Variants in PSMD1 observed in about 807,000 individuals in gnomAD.
The protein encoded by PSMD1 is proteasome 26S subunit, non-ATPase 1.
PSMD1 carries 18 observed loss-of-function variants against 119.0 expected under a neutral mutation model. The ratio of observed to expected loss-of-function variants is 0.15; its 90% confidence interval spans 0.10 to 0.22. PSMD1 has a LOEUF of 0.22. PSMD1 is among the 10% of genes least tolerant of loss of function. The pLI is 1.00. For missense variants in PSMD1, 702 were observed against 1,158.5 expected, an observed-to-expected ratio of 0.61 and a Z score of 5.72; for synonymous variants, 374 against 396.6, an observed-to-expected ratio of 0.94 and a Z score of 0.68.
intron 17 of PSMD1, 91 bp from the exon 18 acceptor site, chr2:231,146,149 A>G (rs1696246940): frequency 2.3e-6 from 2 of 851,130 alleles, no homozygotes; most frequent in Non-Finnish European, 3.9e-6. Flanking sequence ...GTCACTTCCC[A>G]GAATGTCGTT....
At chr2:231,137,952 T>A (rs1379946716) in intron 16 of PSMD1, among the ~76,000 whole-genome samples, 1 of 152,208 alleles carries the variant, frequency 6.6e-6, no homozygotes, top group Non-Finnish European at 1.5e-5. Flanking sequence ...AGCCCACAGC[T>A]TGATGAATTT....
At chr2:231,065,954 A>G (rs1201182879) in intron 4 of PSMD1, among the ~76,000 whole-genome samples, 2 of 152,200 alleles carry the variant, frequency 1.3e-5, no homozygotes, top group Admixed American at 6.5e-5. Flanking sequence ...GTACAATACC[A>G]TATTTTTACT....
chr2:231,065,854 A>G (rs1693898483), intron 4 of PSMD1, among the ~76,000 whole-genome samples: 2 of 152,218 alleles, frequency 1.3e-5, no homozygotes, highest in African/African-American at 4.8e-5. Context: ...TCTTGGGAGA[A>G]ATAGGTTCCA....
intron 16 of PSMD1, chr2:231,108,995 G>A: frequency 6.2e-7 from 1 of 1,614,202 alleles, no homozygotes; most frequent in Non-Finnish European, 8.5e-7. Context: ...TAGGACCTTT[G>A]AGGCTCTCTG....
Position 231,056,923 on chromosome 2 carries a change from C to A in PSMD1, c.-103C>A. ...GAGGCGACTGACTGAGCAGCGCACC[C>A]GGGGAGCAAGGAGGCGCGGTGAACT... On this transcript the variant is annotated 5_prime_UTR_variant, in exon 1 of 25. Coordinates refer to ENST00000308696, the MANE Select transcript of PSMD1 (RefSeq NM_002807.4). 6.8e-7 allele frequency: 1 copy of A among 1,473,138 alleles called. No individual in the cohort carries two copies. Among genetic ancestry groups the A allele is most frequent in the Non-Finnish European group, 9.2e-7 (1 of 1,091,212 alleles). 91.3% of individuals were successfully genotyped at this position (1,473,138 alleles called of 1,614,324 possible).
chr2:231,123,638 T>C lies in PSMD1; in HGVS notation c.1884-15098T>C, dbSNP rs75246355. On this transcript the variant is annotated intron_variant, in intron 16 of 24. Transcript: ENST00000308696. Reference sequence around the variant, plus strand: ...CCCTGTTCCTCAACAATCTGTTTCATTTCCTCTGGTATTGATTCTGTCTGT... The same window carrying C: ...CCCTGTTCCTCAACAATCTGTTTCACTTCCTCTGGTATTGATTCTGTCTGT... The C allele has an allele frequency of 3.5e-5, 56 of 1,614,106 alleles. No individual in the cohort carries two copies. The African/African-American group carries it at 7.1e-4, about 20-fold the overall frequency.
rs150858671 is a variant in PSMD1 at position 231,070,117 on chromosome 2, A to G, written c.603A>G (p.Leu201=). The G allele has an allele frequency of 4.1e-4, 647 of 1,575,424 alleles. 4 individuals carry two copies. In the African/African-American group the frequency reaches 8.2e-3, roughly 20 times the overall value. The change falls in exon 6 of 25, where the codon CTA becomes CTG. Residue 201 remains leucine, a synonymous_variant. Transcript: ENST00000308696. ...KQFRNKVLRV[L]VKIYMNLEKP... is the part of the protein sequence containing the mutation. ...TTCGGAATAAAGTACTAAGAGTTCTAGTTAAAATCTACATGAACTTGGAGA... is the reference window on the plus strand; with the variant it reads ...TTCGGAATAAAGTACTAAGAGTTCTGGTTAAAATCTACATGAACTTGGAGA...
At chr2:231,154,767 C>T (rs1696449574) in intron 19 of PSMD1, among the ~76,000 whole-genome samples, 1 of 152,098 alleles carries the variant, frequency 6.6e-6, no homozygotes. Flanking sequence ...CTGTGCCCAG[C>T]CAATTTATTT....
At chr2:231,109,196 G>A (rs759508310) in intron 16 of PSMD1, 1 of 1,614,202 alleles carries the variant, frequency 6.2e-7, no homozygotes, top group Admixed American at 1.7e-5. Context: ...TAGGCGTTGA[G>A]GTGGCTTGTT....
chr2:231,112,703 AAG>A (rs1352719815), intron 16 of PSMD1, among the ~76,000 whole-genome samples: 1 of 152,202 alleles, frequency 6.6e-6, no homozygotes, highest in African/African-American at 2.4e-5. Flanking sequence ...ACTAACATAT[AAG>A]AGTTTTGAAT....
chr2:231,135,299 TATA>T lies in PSMD1; in HGVS notation c.1884-3430_1884-3428del, dbSNP rs1336710524. Among the ~76,000 whole-genome samples the T allele has an allele frequency of 3.3e-5, 5 of 152,302 alleles. No individual in the cohort carries two copies. In the East Asian group the frequency reaches 9.6e-4, roughly 29 times the overall value. On this transcript the variant is annotated intron_variant, in intron 16 of 24. Coordinates refer to ENST00000308696, the MANE Select transcript of PSMD1 (RefSeq NM_002807.4). ...GTTACTCATTGAAGAAAAGTTGTCC[TATA>T]ATAATAGGCATTGATTTAAACCTAT...
At chr2:231,086,819 G>A (rs935813669) in intron 15 of PSMD1, among the ~76,000 whole-genome samples, 19 of 152,206 alleles carry the variant, frequency 1.2e-4, no homozygotes, top group Non-Finnish European at 2.6e-4. Flanking sequence ...GCTTATGCCT[G>A]TAATCCCAGC....
intron 4 of PSMD1, among the ~76,000 whole-genome samples, chr2:231,065,697 T>C (rs1693894746): frequency 6.6e-6 from 1 of 152,204 alleles, no homozygotes; most frequent in African/African-American, 2.4e-5. Flanking sequence ...TGCAAAGATA[T>C]AACTAAATTG....
At position 231,078,034 on chromosome 2, in the gene PSMD1, G is replaced by A. The variant is rs561517298; in HGVS notation, c.1072-625G>A. On this transcript the variant is annotated intron_variant, in intron 9 of 24. Transcript: ENST00000308696. ...TATAATCCCAGCACTCTGGGAGGCCGAGGCAGGCGGATCACCTGAGGTCAG... is the reference window on the plus strand; with the variant it reads ...TATAATCCCAGCACTCTGGGAGGCCAAGGCAGGCGGATCACCTGAGGTCAG... 8.7e-4 allele frequency among the ~76,000 whole-genome samples: 133 copies of A among 152,338 alleles called. 1 individual carries two copies. The highest frequency in any genetic ancestry group is 2.7e-3 in the African/African-American group (111 of 41,578).
At chr2:231,131,111 T>G (rs530169146) in intron 16 of PSMD1, among the ~76,000 whole-genome samples, 1 of 152,374 alleles carries the variant, frequency 6.6e-6, no homozygotes, top group Non-Finnish European at 1.5e-5. Context: ...TCTGTTTTGT[T>G]TCCCATGGTA....
At chr2:231,100,764 C>A (rs1212836153) in intron 16 of PSMD1, among the ~76,000 whole-genome samples, 1 of 152,146 alleles carries the variant, frequency 6.6e-6, no homozygotes, top group Non-Finnish European at 1.5e-5. Flanking sequence ...GCAGCTGTTT[C>A]AATACTTTTA....
At chr2:231,155,995 T>G (rs777345856) in intron 19 of PSMD1, among the ~76,000 whole-genome samples, 1 of 152,136 alleles carries the variant, frequency 6.6e-6, no homozygotes, top group Non-Finnish European at 1.5e-5. Flanking sequence ...TTTTATATTA[T>G]GTTTATGTTG....
intron 16 of PSMD1, among the ~76,000 whole-genome samples, chr2:231,119,915 C>A (rs1695476769): frequency 6.7e-6 from 1 of 148,268 alleles, no homozygotes; most frequent in African/African-American, 2.5e-5. Flanking sequence ...CAATAACACC[C>A]AATGGATGGC....
intron 8 of PSMD1, 76 bp from the exon 9 acceptor site, chr2:231,076,958 A>G: frequency 7.4e-7 from 1 of 1,344,098 alleles, no homozygotes; most frequent in East Asian, 2.5e-5. Context: ...TTTAGGACTG[A>G]TGAAATAAAA....
Sources: gnomAD v4.1 joint callset for allele counts (sites outside exome capture counted in the v4.1 genomes callset) on GRCh38, gnomAD v4.1.1 for gene constraint, MANE v1.5 for transcripts, NCBI Gene and HGNC (gene_info 2026-07-23, HGNC 2026-07-21) for gene names.